Variants in GPRIN3 observed in about 807,000 individuals in gnomAD.
The protein encoded by GPRIN3 is GPRIN family member 3.
In GPRIN3, 12 loss-of-function variants were observed where a neutral mutation model predicts 13.7. That is an observed-to-expected ratio of 0.87 (90% CI 0.56 to 1.42). The LOEUF is 1.42. Among genes scored for constraint, GPRIN3 ranks in the 40% most tolerant of loss-of-function variants. GPRIN3 has a pLI of 0.00. For missense variants in GPRIN3, 1,009 were observed against 958.7 expected (o/e 1.05, Z -0.69); for synonymous variants, 377 against 372.7 (o/e 1.01, Z -0.13).
chr4:89,290,622 C>T (rs977495037), intron 1 of GPRIN3, among the ~76,000 whole-genome samples: 14 of 152,038 alleles, frequency 9.2e-5, no homozygotes, highest in East Asian at 3.9e-4. Context: ...GAGGAAACGT[C>T]GATTATAGGA....
Position 89,239,120 on chromosome 4 carries a change from A to G in GPRIN3, c.*8660T>C, listed in dbSNP as rs570182577. 3 of 152,256 alleles carry G rather than the reference A, an allele frequency of 2.0e-5. No individual in the cohort carries two copies. The highest frequency in any genetic ancestry group is 2.1e-4 in the South Asian group (1 of 4,822). 9.4% of individuals were successfully genotyped at this position (152,256 alleles called of 1,614,324 possible). A position where few individuals can be genotyped will look rare whatever the true frequency, so the allele number is the denominator to read the frequency against. ...GATGAGAACTTTCTGAAATGATTTT[A>G]TGGCCTTTGTAAACATTATAATGTA... On this transcript the variant is annotated 3_prime_UTR_variant, in exon 2 of 2. Coordinates refer to ENST00000609438, the MANE Select transcript of GPRIN3 (RefSeq NM_198281.3).
At chr4:89,260,906 T>C (rs1216816925) in intron 1 of GPRIN3, among the ~76,000 whole-genome samples, 4 of 152,212 alleles carry the variant, frequency 2.6e-5, no homozygotes, top group African/African-American at 9.6e-5. Flanking sequence ...TGCCTTTTTG[T>C]GCCAGATATT....
intron 1 of GPRIN3, among the ~76,000 whole-genome samples, chr4:89,278,579 G>A (rs1724157905): frequency 6.6e-6 from 1 of 152,162 alleles, no homozygotes; most frequent in Non-Finnish European, 1.5e-5. Context: ...CTAGCATACA[G>A]ACAAGAAGAA....
In GPRIN3 at chr4:89,251,977, CT is replaced by C. The variant is rs112143610; in HGVS notation, c.-123-1745del. Among the ~76,000 whole-genome samples the C allele has an allele frequency of 6.9e-3, 984 of 142,828 alleles. 2 individuals carry two copies. The highest frequency in any genetic ancestry group is 0.016 in the African/African-American group (621 of 39,228). 93.7% of individuals were successfully genotyped at this position (142,828 alleles called of 152,430 possible). ...TTATATGTGTGTGTTTATATATAAG[CT>C]TTTTTTTTTTTTGAGACAGGGTCTT... On this transcript the variant is annotated intron_variant, in intron 1 of 1. Coordinates refer to ENST00000609438, the MANE Select transcript of GPRIN3 (RefSeq NM_198281.3).
chr4:89,251,360 T>C (rs1287320016), intron 1 of GPRIN3, among the ~76,000 whole-genome samples: 1 of 152,192 alleles, frequency 6.6e-6, no homozygotes, highest in Non-Finnish European at 1.5e-5. Flanking sequence ...TTTTTATTAA[T>C]TGTAGGTGCA....
At chr4:89,284,217 T>G (rs1372987135) in intron 1 of GPRIN3, among the ~76,000 whole-genome samples, 1 of 152,068 alleles carries the variant, frequency 6.6e-6, no homozygotes, top group Non-Finnish European at 1.5e-5. Context: ...AATGGGTGGG[T>G]GGAAGAGGCC....
At chr4:89,291,468 T>C (rs978047461) in intron 1 of GPRIN3, among the ~76,000 whole-genome samples, 1 of 152,254 alleles carries the variant, frequency 6.6e-6, no homozygotes, top group Non-Finnish European at 1.5e-5. Flanking sequence ...TAGCATAATG[T>C]ACTTGACGTT....
In GPRIN3 at chr4:89,236,876, C is replaced by A. The variant is rs1168209402; in HGVS notation, c.*10904G>T. 2 of 152,116 alleles carry A rather than the reference C, an allele frequency of 1.3e-5. No homozygotes were observed. The highest frequency in any genetic ancestry group is 4.8e-5 in the African/African-American group (2 of 41,404). 9.4% of individuals were successfully genotyped at this position (152,116 alleles called of 1,614,324 possible). On this transcript the variant is annotated 3_prime_UTR_variant, in exon 2 of 2. Coordinates refer to ENST00000609438, the MANE Select transcript of GPRIN3 (RefSeq NM_198281.3). ...TTGAGACATAGATGGAAGTGCCCAG[C>A]AAAACGTCTGGCACAAAGGCATTAT...
chr4:89,260,072 G>A (rs1206519280), intron 1 of GPRIN3, among the ~76,000 whole-genome samples: 1 of 152,214 alleles, frequency 6.6e-6, no homozygotes, highest in Non-Finnish European at 1.5e-5. Flanking sequence ...CTCCCAAAGT[G>A]CTGGGATTAC....
Position 89,248,648 on chromosome 4 carries a change from A to G in GPRIN3, c.1463T>C (p.Phe488Ser). 1 of 1,614,122 alleles carries G rather than the reference A, an allele frequency of 6.2e-7. No individual in the cohort carries two copies. The highest frequency in any genetic ancestry group is 1.6e-4 in the Middle Eastern group (1 of 6,062). ...TGCAAACTCAGATGGCCTGGTTTCA[A>G]ATTTCCCCAATCCATAACTTGTTTC... Reference protein sequence around the residue: ...QAETSYGLGKFETRPSEFAEK... With the variant: ...QAETSYGLGKSETRPSEFAEK... The change falls in exon 2 of 2, where the codon TTT becomes TCT. Residue 488 changes from phenylalanine to serine, a missense_variant. By Grantham distance (155) the Phe-to-Ser change is radical. Coordinates refer to ENST00000609438, the MANE Select transcript of GPRIN3 (RefSeq NM_198281.3).
At chr4:89,261,070 CA>C (rs1723608357) in intron 1 of GPRIN3, among the ~76,000 whole-genome samples, 1 of 152,060 alleles carries the variant, frequency 6.6e-6, no homozygotes, top group Admixed American at 6.5e-5. Context: ...TTATTCAGCA[CA>C]GATCTTAAAT....
At chr4:89,301,448 C>T (rs528335433) in intron 1 of GPRIN3, among the ~76,000 whole-genome samples, 13 of 152,228 alleles carry the variant, frequency 8.5e-5, no homozygotes, top group African/African-American at 2.4e-4. Context: ...TTTAGAAAAA[C>T]TGTCAACAAG....
intron 1 of GPRIN3, among the ~76,000 whole-genome samples, chr4:89,259,696 C>T (rs572073101): frequency 7.9e-5 from 12 of 152,170 alleles, no homozygotes; most frequent in African/African-American, 2.9e-4. Context: ...GCCACACTGC[C>T]CCCCTCTACC....
chr4:89,259,276 T>C (rs1723562375), intron 1 of GPRIN3, among the ~76,000 whole-genome samples: 1 of 152,226 alleles, frequency 6.6e-6, no homozygotes, highest in Non-Finnish European at 1.5e-5. Context: ...AAGAGGTGAT[T>C]AAAACATTTA....
chr4:89,265,993 A>G (rs1168576378), intron 1 of GPRIN3, among the ~76,000 whole-genome samples: 3 of 152,210 alleles, frequency 2.0e-5, no homozygotes, highest in African/African-American at 7.2e-5. Flanking sequence ...AAATTAACAC[A>G]AAGCGCTACA....
At chr4:89,250,794 A>G (rs1723306560) in intron 1 of GPRIN3, 1 of 152,222 alleles carries the variant, frequency 6.6e-6, no homozygotes, top group Non-Finnish European at 1.5e-5. Flanking sequence ...AGATGTTTAT[A>G]TTATACCAAT....
Position 89,247,899 on chromosome 4 carries a change from C to T in GPRIN3, c.2212G>A (p.Asp738Asn). The change falls in exon 2 of 2, where the codon GAT becomes AAT. Residue 738 changes from aspartate (D) to asparagine (N), a missense_variant. Physicochemically the swap from Asp to Asn is conservative, Grantham distance 23. Coordinates refer to ENST00000609438, the MANE Select transcript of GPRIN3 (RefSeq NM_198281.3). The part of the protein sequence containing the change: ...NSQTRRSISS[D>N]TSSNKKLRGR... Reference sequence around the variant, plus strand: ...CTGAGCTTCTTATTTGAAGAAGTATCTGAGGAAATGGATCTCCGGGTCTGG... The same window carrying T: ...CTGAGCTTCTTATTTGAAGAAGTATTTGAGGAAATGGATCTCCGGGTCTGG... The T allele has an allele frequency of 6.2e-7, 1 of 1,614,156 alleles. No individual in the cohort carries two copies. The highest frequency in any genetic ancestry group is 1.1e-5 in the South Asian group (1 of 91,086).
intron 1 of GPRIN3, among the ~76,000 whole-genome samples, chr4:89,278,420 C>T (rs1447330022): frequency 6.6e-6 from 1 of 152,126 alleles, no homozygotes; most frequent in African/African-American, 2.4e-5. Context: ...AATTCTCCTT[C>T]TTTTTCCAAA....
At chr4:89,250,370 G>A in intron 1 of GPRIN3, 137 bp from the exon 2 acceptor site, 1 of 383,448 alleles carries the variant, frequency 2.6e-6, no homozygotes, top group East Asian at 4.7e-5. Context: ...GACCTTGTGG[G>A]GAGGGAGAAG....
Sources: allele counts gnomAD v4.1 joint callset (sites outside exome capture counted in the v4.1 genomes callset), GRCh38; gene constraint gnomAD v4.1.1; transcripts MANE v1.5; gene names NCBI Gene and HGNC (gene_info 2026-07-23, HGNC 2026-07-21).